The following DACH1 variants were observed in gnomAD, a reference collection of about 807,000 sequenced individuals.
The protein encoded by DACH1 is dachshund homolog 1.
A neutral mutation model predicts 54.2 loss-of-function variants in DACH1; 12 were observed. The observed-to-expected ratio is 0.22, with a 90% CI of 0.14 to 0.36. DACH1 has a LOEUF of 0.36. DACH1 is among the 10% of genes least tolerant of loss of function. DACH1 has a pLI of 1.00. For synonymous variants in DACH1, 386 were observed against 366.2 expected, an observed-to-expected ratio of 1.05 and a Z score of -0.62; for missense variants, 805 against 929.8, an observed-to-expected ratio of 0.87 and a Z score of 1.75.
At chr13:71,562,079 AATG>A (rs1296558989) in intron 4 of DACH1, among the ~76,000 whole-genome samples, 1 of 152,158 alleles carries the variant, frequency 6.6e-6, no homozygotes, top group African/African-American at 2.4e-5. Flanking sequence ...ATCTTGTCGT[AATG>A]ATAACTTGTT....
At chr13:71,453,370 A>G (rs1301716283) in intron 10 of DACH1, among the ~76,000 whole-genome samples, 1 of 152,188 alleles carries the variant, frequency 6.6e-6, no homozygotes, top group East Asian at 1.9e-4. Context: ...TGTTTGATCA[A>G]ATAAGATGCT....
intron 2 of DACH1, among the ~76,000 whole-genome samples, chr13:71,647,946 A>G (rs1878405487): frequency 6.6e-6 from 1 of 152,342 alleles, no homozygotes; most frequent in African/African-American, 2.4e-5. Flanking sequence ...TTTTCAAGAC[A>G]CTACTTTATT....
At chr13:71,577,562 A>G (rs898059309) in intron 3 of DACH1, among the ~76,000 whole-genome samples, 23 of 152,200 alleles carry the variant, frequency 1.5e-4, no homozygotes, top group Admixed American at 1.3e-4. Flanking sequence ...AATAAGCACA[A>G]TTGTTTTTTA....
intron 6 of DACH1, among the ~76,000 whole-genome samples, chr13:71,507,756 T>TTAATA (rs1229219275): frequency 6.6e-6 from 1 of 152,192 alleles, no homozygotes; most frequent in Non-Finnish European, 1.5e-5. Flanking sequence ...GGCTAAGGTT[T>TTAATA]TAATATATGG....
At chr13:71,545,996 T>C (rs139533899) in intron 6 of DACH1, among the ~76,000 whole-genome samples, 96 of 152,194 alleles carry the variant, frequency 6.3e-4, no homozygotes, top group Middle Eastern at 3.4e-3. Context: ...TCCATCAATT[T>C]TGGCCACTTA....
At chr13:71,710,368 G>A (rs1479123352) in intron 1 of DACH1, among the ~76,000 whole-genome samples, 2 of 151,970 alleles carry the variant, frequency 1.3e-5, no homozygotes, top group African/African-American at 4.8e-5. Flanking sequence ...TGAGAGGGAT[G>A]CGCAGAGGAT....
chr13:71,738,729 C>T (rs2137939832), intron 1 of DACH1, among the ~76,000 whole-genome samples: 2 of 9,156 alleles, frequency 2.2e-4, no homozygotes, highest in Non-Finnish European at 1.3e-3. Context: ...GAGACTCTGT[C>T]TCAAAAAAAA....
chr13:71,440,842 TA>T, intron 10 of DACH1, 150 bp from the exon 11 acceptor site: 1 of 596,078 alleles, frequency 1.7e-6, no homozygotes, highest in South Asian at 2.2e-5. Flanking sequence ...TTCTCAAAGT[TA>T]AGTTAATTTC....
At chr13:71,465,503 T>G (rs1030215755) in intron 10 of DACH1, among the ~76,000 whole-genome samples, 1 of 152,090 alleles carries the variant, frequency 6.6e-6, no homozygotes, top group African/African-American at 2.4e-5. Context: ...AAGCAGGCTT[T>G]GTGAATATGA....
intron 1 of DACH1, among the ~76,000 whole-genome samples, chr13:71,767,296 A>G (rs904241022): frequency 6.6e-6 from 1 of 152,220 alleles, no homozygotes; most frequent in South Asian, 2.1e-4. Flanking sequence ...ATAAGAATCT[A>G]AAAATCTTGT....
intron 6 of DACH1, among the ~76,000 whole-genome samples, chr13:71,529,955 T>A (rs1375371490): frequency 6.6e-6 from 1 of 152,202 alleles, no homozygotes; most frequent in Non-Finnish European, 1.5e-5. Context: ...CATAAATAGA[T>A]CTTTTTTGTC....
At chr13:71,513,783 T>C (rs1025359321) in intron 6 of DACH1, among the ~76,000 whole-genome samples, 1 of 152,060 alleles carries the variant, frequency 6.6e-6, no homozygotes, top group Non-Finnish European at 1.5e-5. Flanking sequence ...TATAAGAAAG[T>C]ATTTACAGTC....
chr13:71,645,176 G>A (rs1331535373), intron 2 of DACH1, among the ~76,000 whole-genome samples: 2 of 152,198 alleles, frequency 1.3e-5, no homozygotes, highest in East Asian at 1.9e-4. Flanking sequence ...AAGTTTAGGA[G>A]GGGAAGCATT....
chr13:71,750,351 C>T (rs982939239), intron 1 of DACH1, among the ~76,000 whole-genome samples: 8 of 152,034 alleles, frequency 5.3e-5, no homozygotes, highest in East Asian at 3.9e-4. Flanking sequence ...CTTACACTGC[C>T]GCAAAAATGC....
intron 4 of DACH1, among the ~76,000 whole-genome samples, chr13:71,570,083 A>G (rs1234218115): frequency 6.6e-6 from 1 of 152,146 alleles, no homozygotes; most frequent in Non-Finnish European, 1.5e-5. Flanking sequence ...ATTAACATCT[A>G]TTAGGTGAGT....
intron 2 of DACH1, among the ~76,000 whole-genome samples, chr13:71,644,267 A>G (rs912818204): frequency 2.6e-5 from 4 of 152,250 alleles, no homozygotes; most frequent in Non-Finnish European, 4.4e-5. Flanking sequence ...TAGCAAAATA[A>G]TTAATTGATA....
chr13:71,546,653 T>C (rs1433014851), intron 6 of DACH1, among the ~76,000 whole-genome samples: 6 of 151,924 alleles, frequency 3.9e-5, no homozygotes, highest in African/African-American at 1.4e-4. Context: ...ATTAATTCAA[T>C]GAACTATCAA....
At chr13:71,555,996 C>A (rs140034419) in intron 6 of DACH1, among the ~76,000 whole-genome samples, 1 of 152,230 alleles carries the variant, frequency 6.6e-6, no homozygotes, top group African/African-American at 2.4e-5. Context: ...GAAATATACT[C>A]CTTCTCTCTA....
intron 6 of DACH1, among the ~76,000 whole-genome samples, chr13:71,501,673 A>T (rs1453583813): frequency 6.6e-6 from 1 of 152,176 alleles, no homozygotes; most frequent in Non-Finnish European, 1.5e-5. Context: ...AATAATAAAA[A>T]GTTAATAGAA....
Sources: allele counts gnomAD v4.1 joint callset (sites outside exome capture counted in the v4.1 genomes callset), GRCh38; gene constraint gnomAD v4.1.1; transcripts MANE v1.5; gene names NCBI Gene and HGNC (gene_info 2026-07-23, HGNC 2026-07-21).